The following NT5DC1 variants were observed in gnomAD, a reference collection of about 807,000 sequenced individuals.
The protein encoded by NT5DC1 is 5'-nucleotidase domain containing 1.
NT5DC1 carries 42 observed loss-of-function variants against 59.4 expected under a neutral mutation model. The ratio of observed to expected loss-of-function variants is 0.71; its 90% confidence interval spans 0.55 to 0.92. The LOEUF is 0.92. Ranked by LOEUF, NT5DC1 falls within the 40% of genes least tolerant of loss-of-function variation. The probability of loss-of-function intolerance (pLI) is 0.00; values close to 1 mark genes in which losing one functional copy is unlikely to be tolerated. For synonymous variants in NT5DC1, 172 were observed against 188.1 expected (o/e 0.91, Z 0.70); for missense variants, 501 against 537.1 (o/e 0.93, Z 0.66).
At chr6:116,121,537 ATATCCCATTTCCCCT>A in intron 6 of NT5DC1, 1 of 1,614,012 alleles carries the variant, frequency 6.2e-7, no homozygotes, top group Non-Finnish European at 8.5e-7. Flanking sequence ...CAGGAGCACC[ATATCCCATTTCCCCT>A]TTCTGTCCAT....
chr6:116,121,485 T>C, intron 6 of NT5DC1: 1 of 1,614,108 alleles, frequency 6.2e-7, no homozygotes, highest in Non-Finnish European at 8.5e-7. Context: ...GATGGTCCTG[T>C]GGGACCCTGA....
intron 7 of NT5DC1, among the ~76,000 whole-genome samples, chr6:116,222,535 T>C (rs540474586): frequency 1.3e-5 from 2 of 152,328 alleles, no homozygotes; most frequent in South Asian, 4.1e-4. Context: ...GTTACCACAT[T>C]ATAAGACTAC....
At chr6:116,222,780 CT>C (rs1781832835) in intron 7 of NT5DC1, among the ~76,000 whole-genome samples, 1 of 152,174 alleles carries the variant, frequency 6.6e-6, no homozygotes, top group African/African-American at 2.4e-5. Flanking sequence ...TACCTAGAGT[CT>C]ATGTGCTACT....
chr6:116,235,952 A>T (rs1243448924), intron 8 of NT5DC1, among the ~76,000 whole-genome samples: 2 of 152,200 alleles, frequency 1.3e-5, no homozygotes, highest in Non-Finnish European at 2.9e-5. Context: ...TCCAAATCCT[A>T]GCAGGGACTA....
intron 1 of NT5DC1, among the ~76,000 whole-genome samples, chr6:116,105,393 C>G (rs765115516): frequency 2.0e-5 from 3 of 152,204 alleles, no homozygotes; most frequent in Non-Finnish European, 4.4e-5. Flanking sequence ...GGGTTAATAT[C>G]TGTAGAAGAA....
At chr6:116,139,609 A>G (rs1351189040) in intron 6 of NT5DC1, among the ~76,000 whole-genome samples, 1 of 152,134 alleles carries the variant, frequency 6.6e-6, no homozygotes, top group Non-Finnish European at 1.5e-5. Context: ...GAGCCCTTCC[A>G]GTTTTTAAAA....
At chr6:116,236,930 A>G in intron 8 of NT5DC1, 36 bp from the exon 9 acceptor site, 17 of 1,366,682 alleles carry the variant, frequency 1.2e-5, no homozygotes, top group Non-Finnish European at 1.8e-5. Context: ...CTCTCACTTG[A>G]TTAAAAAGTA....
At chr6:116,242,482 C>CAA (rs778188431) in intron 11 of NT5DC1, among the ~76,000 whole-genome samples, 10 of 122,614 alleles carry the variant, frequency 8.2e-5, no homozygotes, top group Admixed American at 1.6e-4. Flanking sequence ...TAACAGTAAC[C>CAA]AAAAAAAAAA....
Position 116,243,982 on chromosome 6 carries a change from TC to T in NT5DC1, c.1328del (p.Pro443HisfsTer10). The stretch of plus-strand genomic sequence containing the variant: ...AAACAGCTGGCTACTATCCAAATCC[TC>T]CACTGGTCTTATCAAGTGATGAGAC... The part of the protein sequence containing the change: ...SKTAGYYPNP[P>X]LVLSSDETLI... On this transcript the variant is annotated frameshift_variant, in exon 12 of 12. Coordinates refer to ENST00000319550, the MANE Select transcript of NT5DC1 (RefSeq NM_152729.3). LOFTEE classifies it high-confidence loss of function. 1 of 1,557,930 alleles carries T rather than the reference TC, an allele frequency of 6.4e-7. No homozygotes were observed. The highest frequency in any genetic ancestry group is 8.8e-7 in the Non-Finnish European group (1 of 1,134,000).
At chr6:116,128,905 T>C (rs962316123) in intron 6 of NT5DC1, among the ~76,000 whole-genome samples, 1 of 152,192 alleles carries the variant, frequency 6.6e-6, no homozygotes, top group African/African-American at 2.4e-5. Context: ...TTATTTGTGT[T>C]CATATGCTTT....
intron 6 of NT5DC1, among the ~76,000 whole-genome samples, chr6:116,143,753 A>C: frequency 6.6e-6 from 1 of 152,174 alleles, no homozygotes; most frequent in Non-Finnish European, 1.5e-5. Flanking sequence ...AAGCCTAGGA[A>C]GTAAGTTATT....
chr6:116,175,619 T>C lies in NT5DC1; in HGVS notation c.530-45435T>C, dbSNP rs73774215. Among the ~76,000 whole-genome samples the C allele has an allele frequency of 5.7e-3, 863 of 152,326 alleles. 17 individuals are homozygous for C. The highest frequency in any genetic ancestry group is 0.046 in the South Asian group (223 of 4,830). On this transcript the variant is annotated intron_variant, in intron 6 of 11. Coordinates refer to ENST00000319550, the MANE Select transcript of NT5DC1 (RefSeq NM_152729.3). Reference sequence around the variant, plus strand: ...TGTTCCTTCTCCCCCGACACAGTTTTTTTCTCTTTGTGTTTCAGTTTAGGT... The same window carrying C: ...TGTTCCTTCTCCCCCGACACAGTTTCTTTCTCTTTGTGTTTCAGTTTAGGT...
intron 6 of NT5DC1, among the ~76,000 whole-genome samples, chr6:116,174,918 A>G (rs971555211): frequency 1.4e-4 from 22 of 152,294 alleles, no homozygotes; most frequent in Non-Finnish European, 2.5e-4. Flanking sequence ...AGATACATCT[A>G]AAAAGTCATG....
Position 116,124,792 on chromosome 6 carries a change from T to G in NT5DC1, c.529+6847T>G, listed in dbSNP as rs147478942. Among the ~76,000 whole-genome samples the G allele has an allele frequency of 2.6e-3, 399 of 152,350 alleles. 10 individuals carry two copies. The South Asian group carries it at 0.043, about 17-fold the overall frequency. On this transcript the variant is annotated intron_variant, in intron 6 of 11. Coordinates refer to ENST00000319550, the MANE Select transcript of NT5DC1 (RefSeq NM_152729.3). ...TATATTCAAAATGTATAAGTAATTA[T>G]GAGAATTGCAGTTTCATTTGCCTGC...
rs77787679 is a variant in NT5DC1 at position 116,155,721 on chromosome 6, C to G, written c.529+37776C>G. Among the ~76,000 whole-genome samples, 37 of 132,008 alleles carry G rather than the reference C, an allele frequency of 2.8e-4. 1 individual carries two copies. In the East Asian group the frequency reaches 6.1e-3, roughly 22 times the overall value. 86.6% of individuals were successfully genotyped at this position (132,008 alleles called of 152,430 possible). A position where few individuals can be genotyped will look rare whatever the true frequency, so the allele number is the denominator to read the frequency against. On this transcript the variant is annotated intron_variant, in intron 6 of 11. Transcript: ENST00000319550. Reference sequence around the variant, plus strand: ...GGCACTGGGTGAATAAACAACACTGCATCTACACAAAGAAATAATGTACTT... The same window carrying G: ...GGCACTGGGTGAATAAACAACACTGGATCTACACAAAGAAATAATGTACTT...
chr6:116,171,005 A>G (rs1047545051), intron 6 of NT5DC1, among the ~76,000 whole-genome samples: 1 of 151,174 alleles, frequency 6.6e-6, no homozygotes, highest in Non-Finnish European at 1.5e-5. Context: ...GCCTGTTACC[A>G]CCCTACCACG....
intron 6 of NT5DC1, chr6:116,120,515 A>G (rs1480859809): frequency 6.2e-7 from 1 of 1,614,164 alleles, no homozygotes; most frequent in Admixed American, 1.7e-5. Flanking sequence ...GGTCCCAGAA[A>G]GACTGGGCCT....
chr6:116,238,832 G>T, intron 10 of NT5DC1, 123 bp from the exon 11 acceptor site: 1 of 618,886 alleles, frequency 1.6e-6, no homozygotes, highest in Non-Finnish European at 2.8e-6. Context: ...TTTAATGTGG[G>T]CCCAAAGCCT....
At chr6:116,233,547 T>C (rs778651462) in intron 8 of NT5DC1, among the ~76,000 whole-genome samples, 2 of 152,342 alleles carry the variant, frequency 1.3e-5, no homozygotes, top group East Asian at 3.9e-4. Context: ...GGCAATACCA[T>C]GGGACACATT....
Sources: allele counts gnomAD v4.1 joint callset (sites outside exome capture counted in the v4.1 genomes callset), GRCh38; gene constraint gnomAD v4.1.1; transcripts MANE v1.5; gene names NCBI Gene and HGNC (gene_info 2026-07-23, HGNC 2026-07-21).